The following STK10 variants were observed in gnomAD, a reference collection of about 807,000 sequenced individuals.
The protein encoded by STK10 is serine/threonine-protein kinase 10.
A neutral mutation model predicts 113.8 loss-of-function variants in STK10; 78 were observed. The observed-to-expected ratio is 0.69, with a 90% CI of 0.57 to 0.83. The LOEUF is 0.83. Ranked by LOEUF, STK10 falls within the 40% of genes least tolerant of loss-of-function variation. STK10 has a pLI of 0.00. For missense variants in STK10, 1,109 were observed against 1,280.1 expected, an observed-to-expected ratio of 0.87 and a Z score of 2.04; for synonymous variants, 465 against 494.7, an observed-to-expected ratio of 0.94 and a Z score of 0.80.
intron 13 of STK10, among the ~76,000 whole-genome samples, chr5:172,063,024 C>T (rs1217782432): frequency 9.9e-5 from 15 of 152,058 alleles, no homozygotes; most frequent in Admixed American, 1.3e-4. Context: ...CTGAGGCAGG[C>T]GGATCACCTG....
At position 172,119,630 on chromosome 5, in the gene STK10, C is replaced by T. The variant is rs569512472; in HGVS notation, c.371-2000G>A. Among the ~76,000 whole-genome samples, 15 of 151,984 alleles carry T rather than the reference C, an allele frequency of 9.9e-5. No homozygotes were observed. The South Asian group carries it at 1.9e-3, about 19-fold the overall frequency. On this transcript the variant is annotated intron_variant, in intron 3 of 18. Transcript: ENST00000176763. ...CTGTAATCCCAGCATTTTGGGAGGC[C>T]GAGGTGGGAGGATCACGAGGTCAGG... is the stretch of plus-strand genomic sequence containing the variant.
At chr5:172,063,912 C>T (rs559517029) in intron 13 of STK10, among the ~76,000 whole-genome samples, 16 of 152,212 alleles carry the variant, frequency 1.1e-4, no homozygotes, top group South Asian at 4.1e-4. Context: ...AAGACCCCCT[C>T]GTGGGGGAAA....
intron 10 of STK10, among the ~76,000 whole-genome samples, chr5:172,083,518 G>A (rs1253402299): frequency 6.6e-5 from 10 of 152,156 alleles, no homozygotes; most frequent in Non-Finnish European, 1.3e-4. Context: ...ATTTCTGGAG[G>A]ACAATTTGGT....
intron 3 of STK10, among the ~76,000 whole-genome samples, chr5:172,118,092 A>G (rs1389472494): frequency 6.6e-6 from 1 of 151,832 alleles, no homozygotes. Flanking sequence ...CATCATGTGC[A>G]CTGACCCATT....
Position 172,106,704 on chromosome 5 carries a change from G to A in STK10, c.704C>T (p.Pro235Leu). Residue 235 changes from proline (P) to leucine (L), a missense_variant, in exon 6 of 19, where the codon CCG becomes CTG. Physicochemically the swap from Pro to Leu is moderately conservative, Grantham distance 98. This residue lies in a region of STK10 where 885 missense variants were observed against 991.1 expected (regional missense o/e 0.89). Coordinates refer to ENST00000176763, the MANE Select transcript of STK10 (RefSeq NM_005990.4). Reference sequence around the variant, plus strand: ...CATGGGGTTGAGCTCGTGGTGTGGCGGCTCGATCTGGGCCATCTCAATCAG... The same window carrying A: ...CATGGGGTTGAGCTCGTGGTGTGGCAGCTCGATCTGGGCCATCTCAATCAG... ...ITLIEMAQIEPPHHELNPMRV... is the reference protein window; with the variant it reads ...ITLIEMAQIELPHHELNPMRV... 2 of 1,614,078 alleles carry A rather than the reference G, an allele frequency of 1.2e-6. No individual in the cohort carries two copies. Among genetic ancestry groups the A allele is most frequent in the Non-Finnish European group, 1.7e-6 (2 of 1,180,022 alleles).
At chr5:172,168,093 C>T (rs943576473) in intron 1 of STK10, among the ~76,000 whole-genome samples, 7 of 152,144 alleles carry the variant, frequency 4.6e-5, no homozygotes, top group African/African-American at 9.7e-5. Flanking sequence ...AGCCAAAGGA[C>T]GGAGCAGTCA....
At chr5:172,067,507 C>G (rs1768095123) in intron 12 of STK10, among the ~76,000 whole-genome samples, 1 of 151,988 alleles carries the variant, frequency 6.6e-6, no homozygotes, top group African/African-American at 2.4e-5. Flanking sequence ...CAATAGATGT[C>G]AGCTCCGGGA....
intron 2 of STK10, among the ~76,000 whole-genome samples, chr5:172,148,308 G>A (rs1257003368): frequency 1.3e-5 from 2 of 152,170 alleles, no homozygotes; most frequent in Non-Finnish European, 2.9e-5. Flanking sequence ...GACAGGGTGG[G>A]GGGCAGAGGG....
chr5:172,099,614 A>G (rs1768936007), intron 7 of STK10, among the ~76,000 whole-genome samples: 1 of 152,154 alleles, frequency 6.6e-6, no homozygotes, highest in South Asian at 2.1e-4. Flanking sequence ...ATGCCCCCAG[A>G]GCACAGCTTT....
intron 10 of STK10, among the ~76,000 whole-genome samples, chr5:172,085,240 T>C (rs1315027413): frequency 1.3e-5 from 2 of 150,130 alleles, no homozygotes; most frequent in East Asian, 4.0e-4. Context: ...AGCAAGATCC[T>C]GTGTTAAAAA....
At chr5:172,057,585 G>C (rs552760852) in intron 14 of STK10, 112 bp from the exon 15 acceptor site, 19 of 1,455,542 alleles carry the variant, frequency 1.3e-5, no homozygotes, top group Middle Eastern at 2.5e-4. Context: ...TAACCAACCT[G>C]CTGGGCTCAG....
chr5:172,143,469 C>T (rs190396608), intron 2 of STK10, among the ~76,000 whole-genome samples: 271 of 152,346 alleles, frequency 1.8e-3, no homozygotes, highest in Admixed American at 3.5e-3. Context: ...CCTGGATCCC[C>T]TCACCTCCCT....
At chr5:172,130,017 C>G (rs1171269037) in intron 2 of STK10, among the ~76,000 whole-genome samples, 1 of 152,124 alleles carries the variant, frequency 6.6e-6, no homozygotes, top group Non-Finnish European at 1.5e-5. Flanking sequence ...TGAAAGCCAT[C>G]CTCTCCCCTC....
intron 3 of STK10, among the ~76,000 whole-genome samples, chr5:172,119,324 G>A (rs540606519): frequency 1.8e-4 from 27 of 152,266 alleles, no homozygotes; most frequent in African/African-American, 5.3e-4. Flanking sequence ...CAGGACCTTC[G>A]GGCCATGCTG....
chr5:172,083,838 G>A (rs1768487551), intron 10 of STK10, among the ~76,000 whole-genome samples: 1 of 151,438 alleles, frequency 6.6e-6, no homozygotes, highest in Admixed American at 6.6e-5. Context: ...AACCTGGGAG[G>A]TGGAGGTTCC....
At chr5:172,096,361 C>T in intron 8 of STK10, 65 bp downstream of exon 8, 2 of 1,590,688 alleles carry the variant, frequency 1.3e-6, no homozygotes, top group South Asian at 1.1e-5. Flanking sequence ...CCCTCCCACA[C>T]CAGCAGGGCC....
At chr5:172,153,971 G>C (rs1205067921) in intron 2 of STK10, among the ~76,000 whole-genome samples, 1 of 152,180 alleles carries the variant, frequency 6.6e-6, no homozygotes, top group East Asian at 1.9e-4. Flanking sequence ...TTCTGGCCTA[G>C]TCTATTCTTA....
At chr5:172,129,862 A>G (rs779710524) in intron 2 of STK10, among the ~76,000 whole-genome samples, 19 of 152,310 alleles carry the variant, frequency 1.2e-4, no homozygotes, top group Non-Finnish European at 2.2e-4. Flanking sequence ...CCTAACCCTC[A>G]TGGGAATGAT....
intron 5 of STK10, among the ~76,000 whole-genome samples, chr5:172,107,526 T>C (rs1769141434): frequency 1.3e-5 from 2 of 152,234 alleles, no homozygotes; most frequent in African/African-American, 4.8e-5. Context: ...ATGGAGTGCC[T>C]TCTATGTGCA....
Sources: gnomAD v4.1 joint callset for allele counts (sites outside exome capture counted in the v4.1 genomes callset) on GRCh38, gnomAD v4.1.1 for gene constraint, gnomAD v4.1.1 regional missense constraint, MANE v1.5 for transcripts, NCBI Gene and HGNC (gene_info 2026-07-23, HGNC 2026-07-21) for gene names.